Variants in AFF3 observed in about 807,000 individuals in gnomAD.
AFF3 encodes the protein AF4/FMR2 family member 3.
A neutral mutation model predicts 129.7 loss-of-function variants in AFF3; 32 were observed. That is an observed-to-expected ratio of 0.25 (90% CI 0.19 to 0.33). The LOEUF is 0.33. Ranked by LOEUF, AFF3 falls within the 10% of genes least tolerant of loss-of-function variation. The pLI, the probability that AFF3 is intolerant of heterozygous loss-of-function variation, is 1.00. For synonymous variants in AFF3, 644 were observed against 635.4 expected (o/e 1.01, Z -0.20); for missense variants, 1,373 against 1,592.0 (o/e 0.86, Z 2.34).
intron 19 of AFF3, among the ~76,000 whole-genome samples, chr2:99,566,147 T>G (rs1675941406): frequency 6.6e-6 from 1 of 151,876 alleles, no homozygotes; most frequent in Admixed American, 6.6e-5. Flanking sequence ...TGAGATGGAG[T>G]CTCCCTGCAA....
chr2:99,794,023 A>T (rs1685391692), intron 8 of AFF3, among the ~76,000 whole-genome samples: 1 of 152,204 alleles, frequency 6.6e-6, no homozygotes, highest in African/African-American at 2.4e-5. Context: ...TGACACATGG[A>T]TTTAGAAATA....
intron 7 of AFF3, among the ~76,000 whole-genome samples, chr2:99,930,586 A>G (rs1429269106): frequency 6.6e-6 from 1 of 151,714 alleles, no homozygotes; most frequent in Non-Finnish European, 1.5e-5. Context: ...TCTTTCTCTC[A>G]CACAGTTCCT....
chr2:99,700,123 CTT>C (rs34691450), intron 11 of AFF3, among the ~76,000 whole-genome samples: 3,717 of 143,966 alleles, frequency 0.026, 120 homozygotes, highest in African/African-American at 0.084. Context: ...TCAAAGCCTC[CTT>C]TTTTTTTTTT....
At chr2:100,095,340 G>A (rs1301160081) in intron 4 of AFF3, among the ~76,000 whole-genome samples, 1 of 152,036 alleles carries the variant, frequency 6.6e-6, no homozygotes, top group Non-Finnish European at 1.5e-5. Flanking sequence ...GGAAGAGTTA[G>A]AACAGTGGAA....
intron 7 of AFF3, among the ~76,000 whole-genome samples, chr2:99,965,606 T>G (rs1677666633): frequency 6.6e-6 from 1 of 152,234 alleles, no homozygotes; most frequent in South Asian, 2.1e-4. Flanking sequence ...CCAAAGCCTT[T>G]TAGTCCTTTT....
At chr2:99,778,458 G>A (rs1684117677) in intron 8 of AFF3, among the ~76,000 whole-genome samples, 1 of 152,184 alleles carries the variant, frequency 6.6e-6, no homozygotes, top group South Asian at 2.1e-4. Flanking sequence ...CACACCAGCA[G>A]GATGCCACCC....
At chr2:99,939,319 A>G (rs571269428) in intron 7 of AFF3, among the ~76,000 whole-genome samples, 1 of 152,380 alleles carries the variant, frequency 6.6e-6, no homozygotes, top group Admixed American at 6.5e-5. Flanking sequence ...ATTAGAAAAT[A>G]AATACAAATG....
intron 4 of AFF3, among the ~76,000 whole-genome samples, chr2:100,085,471 C>G (rs924245060): frequency 6.6e-6 from 1 of 151,136 alleles, no homozygotes; most frequent in Non-Finnish European, 1.5e-5. Flanking sequence ...TCACTGAGCT[C>G]CCAAAATCCT....
At chr2:99,823,717 G>A (rs997717592) in intron 8 of AFF3, among the ~76,000 whole-genome samples, 1 of 152,192 alleles carries the variant, frequency 6.6e-6, no homozygotes, top group African/African-American at 2.4e-5. Flanking sequence ...CCCTTCAACA[G>A]TGGACTGGAG....
intron 7 of AFF3, among the ~76,000 whole-genome samples, chr2:99,895,635 G>T (rs186331489): frequency 2.0e-5 from 3 of 152,022 alleles, no homozygotes; most frequent in African/African-American, 7.2e-5. Context: ...CACAGTGAGC[G>T]TCCGGGCTAT....
At chr2:99,766,711 T>A (rs376843552) in intron 8 of AFF3, among the ~76,000 whole-genome samples, 2 of 152,038 alleles carry the variant, frequency 1.3e-5, no homozygotes, top group African/African-American at 4.8e-5. Flanking sequence ...TTGAAGAAAA[T>A]AGAGTTTTCT....
At chr2:99,626,484 T>C (rs1279802559) in intron 13 of AFF3, among the ~76,000 whole-genome samples, 4 of 59,718 alleles carry the variant, frequency 6.7e-5, no homozygotes, top group African/African-American at 1.9e-4. Flanking sequence ...TCCCTCTCCT[T>C]CTCTTCCCCT....
intron 7 of AFF3, among the ~76,000 whole-genome samples, chr2:99,899,493 T>G (rs1694203147): frequency 6.6e-6 from 1 of 152,218 alleles, no homozygotes; most frequent in Non-Finnish European, 1.5e-5. Flanking sequence ...AAACTGCTCC[T>G]GGGGTCAATC....
Position 99,815,034 on chromosome 2 carries a change from C to A in AFF3, c.921+22443G>T, listed in dbSNP as rs116679969. 3.1e-3 allele frequency among the ~76,000 whole-genome samples: 477 copies of A among 151,824 alleles called. 4 individuals are homozygous for A. The highest frequency in any genetic ancestry group is 0.011 in the African/African-American group (452 of 41,382). On this transcript the variant is annotated intron_variant, in intron 8 of 24. Coordinates refer to ENST00000672756, the MANE Select transcript of AFF3 (RefSeq NM_001386135.1). ...CCGGCTGATTTTTGTATTAAAATGACACATTTTTGTCACTAAGAGTGACTG... is the reference window on the plus strand; with the variant it reads ...CCGGCTGATTTTTGTATTAAAATGAAACATTTTTGTCACTAAGAGTGACTG...
chr2:99,583,489 C>G (rs528526283), intron 16 of AFF3, among the ~76,000 whole-genome samples: 1 of 151,152 alleles, frequency 6.6e-6, no homozygotes, highest in Non-Finnish European at 1.5e-5. Flanking sequence ...CTCAGGCAAT[C>G]CTCCCACTTC....
chr2:100,050,687 C>T (rs980214316), intron 4 of AFF3, among the ~76,000 whole-genome samples: 5 of 152,206 alleles, frequency 3.3e-5, no homozygotes, highest in East Asian at 1.9e-4. Flanking sequence ...CGTCAGTGCA[C>T]GTAGGATTTT....
chr2:100,029,931 G>C (rs368008219), intron 4 of AFF3, among the ~76,000 whole-genome samples: 1 of 152,122 alleles, frequency 6.6e-6, no homozygotes, highest in African/African-American at 2.4e-5. Context: ...GCCAGGCATG[G>C]TGGTATGTGC....
intron 7 of AFF3, among the ~76,000 whole-genome samples, chr2:99,994,115 CT>C (rs1272675571): frequency 6.7e-6 from 1 of 148,672 alleles, no homozygotes; most frequent in Non-Finnish European, 1.5e-5. Flanking sequence ...CAAACTTAAT[CT>C]TTTTTAAAAA....
At chr2:99,562,159 T>C (rs978597651) in intron 20 of AFF3, among the ~76,000 whole-genome samples, 5 of 152,252 alleles carry the variant, frequency 3.3e-5, no homozygotes, top group Non-Finnish European at 7.3e-5. Flanking sequence ...GGGTTTATCT[T>C]ATTTAGGTTT....
Sources: gnomAD v4.1 joint callset for allele counts (sites outside exome capture counted in the v4.1 genomes callset) on GRCh38, gnomAD v4.1.1 for gene constraint, MANE v1.5 for transcripts, NCBI Gene and HGNC (gene_info 2026-07-23, HGNC 2026-07-21) for gene names.